Variants in MPP7 observed in about 807,000 individuals in gnomAD.
MPP7 encodes the protein MAGUK p55 scaffold protein 7.
Under a neutral mutation model 76.5 loss-of-function variants are expected in MPP7, and 60 were observed. That is an observed-to-expected ratio of 0.78 (90% CI 0.64 to 0.97). The LOEUF (loss-of-function observed/expected upper bound fraction) is 0.97. MPP7 is among the 50% of genes least tolerant of loss of function. MPP7 has a pLI of 0.00. For synonymous variants in MPP7, 237 were observed against 244.5 expected (o/e 0.97, Z 0.29); for missense variants, 641 against 694.0 (o/e 0.92, Z 0.86).
intron 1 of MPP7, among the ~76,000 whole-genome samples, chr10:28,262,241 AT>A (rs1840002570): frequency 1.4e-5 from 1 of 69,098 alleles, no homozygotes; most frequent in Non-Finnish European, 2.3e-5. Context: ...ATATATATAT[AT>A]ACATATATAT....
intron 11 of MPP7, among the ~76,000 whole-genome samples, chr10:28,113,291 C>T (rs76818516): frequency 0.082 from 12,419 of 152,130 alleles, 669 homozygotes; most frequent in East Asian, 0.26. Flanking sequence ...GAGTCTGCAT[C>T]CCAGACAACT....
chr10:28,238,841 C>A, intron 1 of MPP7, 106 bp from the exon 2 acceptor site: 1 of 488,554 alleles, frequency 2.0e-6, no homozygotes, highest in South Asian at 3.5e-5. Flanking sequence ...TTGGAGAGAT[C>A]GCAACTCTTC....
chr10:28,129,979 C>A (rs770044138), intron 6 of MPP7, among the ~76,000 whole-genome samples: 6 of 152,114 alleles, frequency 3.9e-5, no homozygotes, highest in South Asian at 4.1e-4. Flanking sequence ...AGGGATCTTG[C>A]CCCTTAAGTA....
chr10:28,072,874 TTTG>T (rs749202404), intron 12 of MPP7, among the ~76,000 whole-genome samples: 13 of 152,300 alleles, frequency 8.5e-5, no homozygotes, highest in Non-Finnish European at 1.2e-4. Context: ...CTTCTATGAT[TTTG>T]TTAATGTCTT....
chr10:28,196,552 A>C, intron 3 of MPP7, among the ~76,000 whole-genome samples: 1 of 152,018 alleles, frequency 6.6e-6, no homozygotes, highest in South Asian at 2.1e-4. Flanking sequence ...ATCAAACATA[A>C]CCAAAACTAA....
intron 3 of MPP7, among the ~76,000 whole-genome samples, chr10:28,180,712 T>C (rs1365806317): frequency 3.9e-5 from 6 of 152,204 alleles, no homozygotes; most frequent in Non-Finnish European, 7.3e-5. Context: ...ATTTCCTCTG[T>C]GAACTCTGCT....
chr10:28,231,186 GA>G lies in MPP7; in HGVS notation c.37+7381del, dbSNP rs1838871001. Among the ~76,000 whole-genome samples, 3 of 148,438 alleles carry G rather than the reference GA, an allele frequency of 2.0e-5. No individual in the cohort carries two copies. In the South Asian group the frequency reaches 6.3e-4, roughly 31 times the overall value. On this transcript the variant is annotated intron_variant, in intron 2 of 16. Coordinates refer to ENST00000683449, the MANE Select transcript of MPP7 (RefSeq NM_001318170.2). ...AAATCAGTAACAAAAAAAAAAAAAT[GA>G]AAAAAACTCTTATGTGAATATTTTT... is the stretch of plus-strand genomic sequence containing the variant.
At chr10:28,313,853 A>ATTT (rs1192149562) in intron 2 of MPP7, among the ~76,000 whole-genome samples, 584 of 32,636 alleles carry the variant, frequency 0.018, 101 homozygotes, top group East Asian at 0.032. Context: ...TACCTGGCTA[A>ATTT]TTTTTTTTTT....
chr10:28,064,551 A>T (rs1033932289), intron 13 of MPP7, among the ~76,000 whole-genome samples: 1 of 152,232 alleles, frequency 6.6e-6, no homozygotes, highest in African/African-American at 2.4e-5. Flanking sequence ...GCAGATGCTA[A>T]AACTGATGTA....
intron 15 of MPP7, 143 bp from the exon 16 acceptor site, chr10:28,056,766 C>T: frequency 3.1e-6 from 2 of 647,738 alleles, no homozygotes; most frequent in Non-Finnish European, 4.7e-6. Flanking sequence ...TAACTGTTGA[C>T]AATTAAATGT....
intron 11 of MPP7, among the ~76,000 whole-genome samples, chr10:28,113,735 A>G (rs953316026): frequency 6.6e-6 from 1 of 152,204 alleles, no homozygotes; most frequent in African/African-American, 2.4e-5. Flanking sequence ...AAAAAAAAAT[A>G]CAACACACTT....
chr10:28,166,023 C>CAAAAAAAAAAAAAAAAAAAAAAAAAAAA, intron 3 of MPP7, among the ~76,000 whole-genome samples: 1 of 99,962 alleles, frequency 1.0e-5, no homozygotes, highest in Non-Finnish European at 1.9e-5. Context: ...AGACTCATCT[C>CAAAAAAAAAAAAAAAAAAAAAAAAAAAA]AAAAAAAAAA....
At chr10:28,190,965 C>T (rs1255412268) in intron 3 of MPP7, among the ~76,000 whole-genome samples, 1 of 151,920 alleles carries the variant, frequency 6.6e-6, no homozygotes, top group Non-Finnish European at 1.5e-5. Context: ...GTACTGATGC[C>T]AAGGACAATA....
At chr10:28,069,459 C>G (rs927705881) in intron 13 of MPP7, among the ~76,000 whole-genome samples, 7 of 151,970 alleles carry the variant, frequency 4.6e-5, no homozygotes, top group Non-Finnish European at 1.0e-4. Flanking sequence ...AAAAAATAAG[C>G]TGGGTGTGGT....
intron 1 of MPP7, among the ~76,000 whole-genome samples, chr10:28,247,217 T>C (rs1390750136): frequency 1.3e-5 from 2 of 152,194 alleles, no homozygotes; most frequent in Non-Finnish European, 2.9e-5. Flanking sequence ...AATCTGGACA[T>C]TCACAAAGAT....
At chr10:28,109,869 A>AAAAAAAAAAC in intron 11 of MPP7, among the ~76,000 whole-genome samples, 2 of 149,508 alleles carry the variant, frequency 1.3e-5, no homozygotes, top group South Asian at 4.3e-4. Context: ...AAAAAAAAAA[A>AAAAAAAAAAC]AAAACACTTA....
At chr10:28,273,342 T>G (rs1421643495) in intron 1 of MPP7, among the ~76,000 whole-genome samples, 2 of 152,216 alleles carry the variant, frequency 1.3e-5, no homozygotes, top group Non-Finnish European at 2.9e-5. Context: ...CTTTTCCATA[T>G]CTTATGGTAC....
chr10:28,061,724 A>C (rs180821911), intron 13 of MPP7, among the ~76,000 whole-genome samples: 1 of 152,270 alleles, frequency 6.6e-6, no homozygotes, highest in East Asian at 1.9e-4. Context: ...AGAAGGGAAA[A>C]ATTATGCCTA....
chr10:28,266,424 T>G (rs1237638059), intron 1 of MPP7, among the ~76,000 whole-genome samples: 2 of 152,148 alleles, frequency 1.3e-5, no homozygotes, highest in African/African-American at 2.4e-5. Context: ...CTTCAGGTCC[T>G]CATAACATAT....
Sources: gnomAD v4.1 joint callset for allele counts (sites outside exome capture counted in the v4.1 genomes callset) on GRCh38, gnomAD v4.1.1 for gene constraint, MANE v1.5 for transcripts, NCBI Gene and HGNC (gene_info 2026-07-23, HGNC 2026-07-21) for gene names.